TASP1: variants seen among roughly 807,000 people sequenced by gnomAD.
TASP1 encodes the protein threonine aspartase 1.
TASP1 carries 16 observed loss-of-function variants against 56.6 expected under a neutral mutation model. The observed-to-expected ratio is 0.28, with a 90% CI of 0.19 to 0.43. The LOEUF (loss-of-function observed/expected upper bound fraction) is 0.43. Among genes scored for constraint, TASP1 ranks in the 20% least tolerant of loss-of-function variants. The pLI, the probability that TASP1 is intolerant of heterozygous loss-of-function variation, is 1.00. For missense variants in TASP1, 393 were observed against 511.6 expected (o/e 0.77, Z 2.24); for synonymous variants, 179 against 184.2 (o/e 0.97, Z 0.23).
At chr20:13,277,484 T>C in the TASP1 span, among the ~76,000 whole-genome samples, 1 of 152,176 alleles carries the variant, frequency 6.6e-6, no homozygotes, top group Non-Finnish European at 1.5e-5. Flanking sequence ...ACTGCCCAGC[T>C]TGGCTCGGCT....
At chr20:13,306,576 A>G in the TASP1 span, among the ~76,000 whole-genome samples, 2 of 149,096 alleles carry the variant, frequency 1.3e-5, no homozygotes, top group African/African-American at 5.0e-5. Context: ...AAAAAAAAAA[A>G]AAAAAAAAAA....
chr20:13,220,636 CG>C, the TASP1 span, among the ~76,000 whole-genome samples: 1 of 152,248 alleles, frequency 6.6e-6, no homozygotes. Context: ...CCTAGAGAGT[CG>C]GACTCCCCTC....
chr20:13,173,206 T>C, the TASP1 span, among the ~76,000 whole-genome samples: 1 of 152,154 alleles, frequency 6.6e-6, no homozygotes, highest in Admixed American at 6.5e-5. Context: ...CATCCAGAGA[T>C]CTATAAAAAG....
chr20:13,413,094 T>A (rs1426563439), intron 13 of TASP1, among the ~76,000 whole-genome samples: 16 of 152,274 alleles, frequency 1.1e-4, no homozygotes, highest in South Asian at 2.1e-4. Flanking sequence ...AATACTTATT[T>A]ATTTTAACTG....
intron 6 of TASP1, among the ~76,000 whole-genome samples, chr20:13,571,656 T>G: frequency 6.6e-6 from 1 of 152,168 alleles, no homozygotes; most frequent in East Asian, 1.9e-4. Flanking sequence ...GCCACTAAAA[T>G]CCTTGTAAAA....
At chr20:13,408,552 G>C (rs911924314) in intron 13 of TASP1, among the ~76,000 whole-genome samples, 1 of 152,060 alleles carries the variant, frequency 6.6e-6, no homozygotes, top group African/African-American at 2.4e-5. Flanking sequence ...TTGTTTTTCT[G>C]AAAGAAATGG....
At chr20:13,268,408 G>T in the TASP1 span, among the ~76,000 whole-genome samples, 4 of 110,676 alleles carry the variant, frequency 3.6e-5, no homozygotes, top group Admixed American at 1.3e-4. Context: ...CTCTCTCCAT[G>T]CTAGGTTCAA....
chr20:13,294,342 A>C, the TASP1 span, among the ~76,000 whole-genome samples: 6 of 152,238 alleles, frequency 3.9e-5, no homozygotes, highest in African/African-American at 4.8e-5. Flanking sequence ...ATTGCATTTA[A>C]CAGGAACCGT....
intron 7 of TASP1, among the ~76,000 whole-genome samples, chr20:13,561,029 G>A (rs2046327843): frequency 6.6e-6 from 1 of 152,160 alleles, no homozygotes; most frequent in South Asian, 2.1e-4. Flanking sequence ...CAGAAACTTT[G>A]GAAGCCAGAA....
the TASP1 span, among the ~76,000 whole-genome samples, chr20:13,284,133 C>T: frequency 6.6e-6 from 1 of 152,350 alleles, no homozygotes; most frequent in East Asian, 1.9e-4. Flanking sequence ...GGAGTTAAAT[C>T]AGTAGATCGA....
chr20:13,178,993 T>C, the TASP1 span, among the ~76,000 whole-genome samples: 27 of 152,224 alleles, frequency 1.8e-4, no homozygotes, highest in Middle Eastern at 3.4e-3. Context: ...CTAATTTGAT[T>C]ACTATACTTT....
rs181938989 is a variant in TASP1 at position 13,472,349 on chromosome 20, A to G, written c.985+10878T>C. Among the ~76,000 whole-genome samples, 276 of 151,248 alleles carry G rather than the reference A, an allele frequency of 1.8e-3. 7 individuals carry two copies. Among genetic ancestry groups the G allele is most frequent in the Middle Eastern group, 3.4e-3 (1 of 290 alleles). On this transcript the variant is annotated intron_variant, in intron 11 of 13. Transcript: ENST00000337743. ...AAAATTAATTTGAGATGGATTAAAG[A>G]CTTAAATGTTAGACCTGAAACCATA...
intron 6 of TASP1, among the ~76,000 whole-genome samples, chr20:13,580,121 G>C (rs371328488): frequency 1.6e-4 from 24 of 152,300 alleles, no homozygotes; most frequent in African/African-American, 5.1e-4. Flanking sequence ...AACTATTTAA[G>C]GGTAAACTAC....
chr20:13,295,027 T>A, the TASP1 span, among the ~76,000 whole-genome samples: 2 of 152,138 alleles, frequency 1.3e-5, no homozygotes, highest in African/African-American at 4.8e-5. Context: ...GTTCTATTGA[T>A]GAGTGCCCAA....
intron 13 of TASP1, among the ~76,000 whole-genome samples, chr20:13,400,747 T>C (rs1367176838): frequency 6.6e-6 from 1 of 152,200 alleles, no homozygotes; most frequent in African/African-American, 2.4e-5. Flanking sequence ...AGCGCAACCA[T>C]AGCCAAATGT....
At chr20:13,556,203 A>ATTAT (rs1467518570) in intron 8 of TASP1, among the ~76,000 whole-genome samples, 3 of 152,034 alleles carry the variant, frequency 2.0e-5, no homozygotes, top group Admixed American at 2.0e-4. Flanking sequence ...AAAACTCTTA[A>ATTAT]TTCCTCTCTC....
intron 12 of TASP1, among the ~76,000 whole-genome samples, chr20:13,432,652 C>T (rs1184897620): frequency 2.0e-5 from 3 of 152,158 alleles, no homozygotes; most frequent in Non-Finnish European, 4.4e-5. Context: ...TCACTTATTT[C>T]ATAAACTGGC....
the TASP1 span, among the ~76,000 whole-genome samples, chr20:13,266,610 T>C: frequency 2.0e-5 from 3 of 152,206 alleles, no homozygotes; most frequent in Non-Finnish European, 2.9e-5. Context: ...CAAAGACACA[T>C]TGTGGGTAAA....
chr20:13,412,969 A>G (rs1218313024), intron 13 of TASP1, among the ~76,000 whole-genome samples: 1 of 152,056 alleles, frequency 6.6e-6, no homozygotes, highest in Admixed American at 6.5e-5. Flanking sequence ...TCTTATTCTC[A>G]TATTACAGAT....
Sources: gnomAD v4.1 joint callset for allele counts (sites outside exome capture counted in the v4.1 genomes callset) on GRCh38, gnomAD v4.1.1 for gene constraint, MANE v1.5 for transcripts, NCBI Gene and HGNC (gene_info 2026-07-23, HGNC 2026-07-21) for gene names.